The following RAVER2 variants were observed in gnomAD, a reference collection of about 807,000 sequenced individuals.
The protein encoded by RAVER2 is ribonucleoprotein, PTB binding 2, also known as ribonucleoprotein PTB-binding 2.
RAVER2 carries 46 observed loss-of-function variants against 78.1 expected under a neutral mutation model. The ratio of observed to expected loss-of-function variants is 0.59; its 90% confidence interval spans 0.46 to 0.75. The LOEUF (loss-of-function observed/expected upper bound fraction) is 0.75, where lower values mean the gene tolerates loss of function less well. Among genes scored for constraint, RAVER2 ranks in the 30% least tolerant of loss-of-function variants. The pLI, the probability that RAVER2 is intolerant of heterozygous loss-of-function variation, is 0.00. For synonymous variants in RAVER2, 311 were observed against 313.3 expected (o/e 0.99, Z 0.08); for missense variants, 793 against 837.5 (o/e 0.95, Z 0.66).
intron 9 of RAVER2, among the ~76,000 whole-genome samples, 182 bp downstream of exon 9, chr1:64,807,656 CA>C (rs1474705464): frequency 6.6e-6 from 1 of 151,846 alleles, no homozygotes; most frequent in African/African-American, 2.4e-5. Flanking sequence ...ATAAAGCAAA[CA>C]AAAAATCCAT....
chr1:64,830,362 T>C (rs558998452), intron 11 of RAVER2, among the ~76,000 whole-genome samples: 128 of 152,334 alleles, frequency 8.4e-4, no homozygotes, highest in African/African-American at 3.0e-3. Flanking sequence ...TTTCATGTTG[T>C]TTTCTTTGAT....
At chr1:64,823,593 C>T (rs1039384790) in intron 11 of RAVER2, among the ~76,000 whole-genome samples, 1 of 152,116 alleles carries the variant, frequency 6.6e-6, no homozygotes, top group Non-Finnish European at 1.5e-5. Flanking sequence ...AAAAGAGAAG[C>T]TTTTGAGCCC....
At chr1:64,832,564 G>A (rs1168457224) in exon 12 of RAVER2, 1 of 152,116 alleles carries the variant, frequency 6.6e-6, no homozygotes, top group African/African-American at 2.4e-5. Flanking sequence ...TCACTTTGGG[G>A]ACTTGTTATT....
At chr1:64,810,401 AC>A (rs1192289229) in intron 9 of RAVER2, among the ~76,000 whole-genome samples, 2 of 152,170 alleles carry the variant, frequency 1.3e-5, no homozygotes, top group East Asian at 3.8e-4. Flanking sequence ...TTTACAGATG[AC>A]CATCTTTCCA....
At chr1:64,766,272 A>G (rs1652173081) in intron 1 of RAVER2, among the ~76,000 whole-genome samples, 1 of 152,200 alleles carries the variant, frequency 6.6e-6, no homozygotes, top group South Asian at 2.1e-4. Flanking sequence ...TATAAAGCTA[A>G]GTTAGTATAG....
chr1:64,830,351 G>A (rs778379495), intron 11 of RAVER2, among the ~76,000 whole-genome samples: 1 of 152,152 alleles, frequency 6.6e-6, no homozygotes, highest in African/African-American at 2.4e-5. Flanking sequence ...TCTCTAGAAT[G>A]TTTCATGTTG....
intron 2 of RAVER2, among the ~76,000 whole-genome samples, chr1:64,770,836 T>C (rs981253338): frequency 6.6e-6 from 1 of 151,582 alleles, no homozygotes; most frequent in Admixed American, 6.6e-5. Flanking sequence ...ATAGACACTG[T>C]GGAAGAAAAA....
chr1:64,811,457 T>C, intron 9 of RAVER2, among the ~76,000 whole-genome samples: 1 of 152,198 alleles, frequency 6.6e-6, no homozygotes, highest in East Asian at 1.9e-4. Flanking sequence ...CTAGAAGTGC[T>C]CTCAAGAAAC....
At position 64,804,838 on chromosome 1, in the gene RAVER2, TGTAA is replaced by T; in HGVS notation, c.1296+4_1296+7del. ...AGTTTGAGAATATTCATACTAATAA[TGTAA>T]GTATGGTATCATTTTTTCTTTTAAA... On this transcript the variant is annotated splice_donor_variant and splice_donor_region_variant and intron_variant, in intron 7 of 11. Coordinates refer to ENST00000294428, the Ensembl canonical transcript of RAVER2. LOFTEE classifies it high-confidence loss of function. The T allele has an allele frequency of 6.5e-7, 1 of 1,538,016 alleles. No homozygotes were observed. The highest frequency in any genetic ancestry group is 1.1e-5 in the South Asian group (1 of 87,850).
At chr1:64,764,337 C>A (rs1570535053) in intron 1 of RAVER2, among the ~76,000 whole-genome samples, 1 of 150,502 alleles carries the variant, frequency 6.6e-6, no homozygotes. Context: ...AGTTGATTAC[C>A]CATATAGGAA....
chr1:64,811,862 C>T (rs1653616803), intron 9 of RAVER2, among the ~76,000 whole-genome samples: 1 of 152,084 alleles, frequency 6.6e-6, no homozygotes, highest in South Asian at 2.1e-4. Context: ...GTGCTAGAAT[C>T]CTTACACCTA....
chr1:64,822,435 T>G (rs564091982), intron 11 of RAVER2, among the ~76,000 whole-genome samples: 58 of 152,328 alleles, frequency 3.8e-4, no homozygotes, highest in Non-Finnish European at 7.1e-4. Flanking sequence ...GCAGTAGATT[T>G]GTGCAGGCAG....
At chr1:64,817,551 C>T (rs2100893422) in intron 11 of RAVER2, among the ~76,000 whole-genome samples, 1 of 152,244 alleles carries the variant, frequency 6.6e-6, no homozygotes, top group Non-Finnish European at 1.5e-5. Flanking sequence ...AGCACATATG[C>T]ACCATGGAAT....
intron 5 of RAVER2, among the ~76,000 whole-genome samples, chr1:64,796,397 T>G (rs1653097479): frequency 6.6e-6 from 1 of 152,070 alleles, no homozygotes; most frequent in African/African-American, 2.4e-5. Context: ...TGAAATCAGC[T>G]GTGTCAAATT....
rs571298263 is a variant in RAVER2 at position 64,794,552 on chromosome 1, A to G, written c.1105+5038A>G. Among the ~76,000 whole-genome samples, 4 of 152,148 alleles carry G rather than the reference A, an allele frequency of 2.6e-5. No individual in the cohort carries two copies. In the South Asian group the frequency reaches 8.3e-4, roughly 32 times the overall value. On this transcript the variant is annotated intron_variant, in intron 5 of 11. Coordinates refer to ENST00000294428, the Ensembl canonical transcript of RAVER2. ...TAATTTTAGCCTTTCTATTGGATGT[A>G]TAGTGCTCTCTTACTGTGGTTTTAA...
intron 11 of RAVER2, among the ~76,000 whole-genome samples, chr1:64,826,925 T>A (rs1654017091): frequency 1.3e-5 from 2 of 152,088 alleles, no homozygotes; most frequent in African/African-American, 4.8e-5. Flanking sequence ...AAAATGAATT[T>A]GTTATTGATT....
intron 1 of RAVER2, among the ~76,000 whole-genome samples, chr1:64,763,955 C>CACACACACACACACACACACA (rs3223239): frequency 6.7e-6 from 1 of 149,634 alleles, no homozygotes; most frequent in East Asian, 2.0e-4. Flanking sequence ...CACACACACA[C>CACACACACACACACACACACA]CCCTACCATG....
chr1:64,795,041 A>C (rs1033838922), intron 5 of RAVER2, among the ~76,000 whole-genome samples: 2 of 152,040 alleles, frequency 1.3e-5, no homozygotes, highest in Admixed American at 1.3e-4. Flanking sequence ...ATAGTTATAC[A>C]ATTATTCTGG....
At chr1:64,826,508 A>G (rs1654006557) in intron 11 of RAVER2, among the ~76,000 whole-genome samples, 1 of 152,214 alleles carries the variant, frequency 6.6e-6, no homozygotes, top group Non-Finnish European at 1.5e-5. Context: ...ACAGCAAGCA[A>G]CCTTTAGGGC....
Sources: allele counts gnomAD v4.1 joint callset (sites outside exome capture counted in the v4.1 genomes callset), GRCh38; gene constraint gnomAD v4.1.1; transcripts MANE v1.5; gene names NCBI Gene and HGNC (gene_info 2026-07-23, HGNC 2026-07-21).